Variants in MGAT5 observed in about 807,000 individuals in gnomAD.
MGAT5 encodes the protein alpha-1,6-mannosylglycoprotein 6-beta-N-acetylglucosaminyltransferase, also known as alpha-1,6-mannosylglycoprotein 6-beta-N-acetylglucosaminyltransferase A.
Under a neutral mutation model 94.3 loss-of-function variants are expected in MGAT5, and 30 were observed. That is an observed-to-expected ratio of 0.32 (90% confidence interval 0.24 to 0.43). MGAT5 has a LOEUF of 0.43. Among genes scored for constraint, MGAT5 ranks in the 20% least tolerant of loss-of-function variants. MGAT5 has a pLI of 1.00. For missense variants in MGAT5, 691 were observed against 905.5 expected (o/e 0.76, Z 3.04); for synonymous variants, 310 against 322.9 (o/e 0.96, Z 0.43).
At chr2:134,205,828 C>G (rs1374732311) in intron 1 of MGAT5, among the ~76,000 whole-genome samples, 1 of 152,136 alleles carries the variant, frequency 6.6e-6, no homozygotes, top group African/African-American at 2.4e-5. Flanking sequence ...GAGAAGTCAG[C>G]TGGGGAATTG....
At chr2:134,358,622 G>A (rs948642666) in intron 9 of MGAT5, among the ~76,000 whole-genome samples, 1 of 152,182 alleles carries the variant, frequency 6.6e-6, no homozygotes, top group Non-Finnish European at 1.5e-5. Flanking sequence ...TTGGTGACCA[G>A]GAGATGTGAA....
intron 1 of MGAT5, among the ~76,000 whole-genome samples, chr2:134,127,449 T>C (rs1009411285): frequency 6.6e-6 from 1 of 151,422 alleles, no homozygotes; most frequent in African/African-American, 2.4e-5. Context: ...TCACCATTCC[T>C]CCTTTGCAAT....
At chr2:134,219,164 C>T (rs961384312) in intron 1 of MGAT5, among the ~76,000 whole-genome samples, 4 of 152,104 alleles carry the variant, frequency 2.6e-5, no homozygotes, top group African/African-American at 4.8e-5. Flanking sequence ...CGGGGTGCAG[C>T]GGCTTCATCA....
At chr2:134,346,388 A>T (rs977904442) in intron 8 of MGAT5, among the ~76,000 whole-genome samples, 2 of 152,146 alleles carry the variant, frequency 1.3e-5, no homozygotes, top group African/African-American at 4.8e-5. Flanking sequence ...TGTAATGTTT[A>T]TCTGCCTTTC....
intron 7 of MGAT5, 93 bp from the exon 8 acceptor site, chr2:134,344,837 G>A: frequency 6.9e-7 from 1 of 1,449,816 alleles, no homozygotes; most frequent in Non-Finnish European, 9.4e-7. Flanking sequence ...GGATTTTTGG[G>A]GTGGCATTTG....
At chr2:134,155,177 G>A (rs1687417997) in intron 1 of MGAT5, among the ~76,000 whole-genome samples, 1 of 152,192 alleles carries the variant, frequency 6.6e-6, no homozygotes, top group East Asian at 1.9e-4. Context: ...TTTCCCCACC[G>A]CCCAGAATTC....
rs1299825330 is a variant in MGAT5 at position 134,451,705 on chromosome 2, A to AT, written c.*2862dup. On this transcript the variant is annotated 3_prime_UTR_variant, in exon 16 of 16. Transcript: ENST00000281923. ...AATATCTTGCCTGTTTTTTTGGATT[A>AT]TTTTCCCCATTGTGATCCTAAGCTC... The AT allele has an allele frequency of 6.6e-6, 1 of 152,146 alleles. No individual in the cohort carries two copies. The highest frequency in any genetic ancestry group is 1.5e-5 in the Non-Finnish European group (1 of 68,020). The allele number at this position is 152,146 out of a possible 1,614,324, so 9.4% of individuals were successfully genotyped here.
intron 2 of MGAT5, among the ~76,000 whole-genome samples, chr2:134,307,922 G>C (rs971551163): frequency 6.6e-6 from 1 of 152,048 alleles, no homozygotes; most frequent in African/African-American, 2.4e-5. Context: ...CCACTGCCTG[G>C]GGCCACTCAA....
At chr2:134,318,574 T>G in intron 3 of MGAT5, 76 bp from the exon 4 acceptor site, 1 of 1,087,514 alleles carries the variant, frequency 9.2e-7, no homozygotes. Context: ...TCTTCACCAT[T>G]CTATCCTCGC....
chr2:134,239,376 G>A (rs557977743), intron 1 of MGAT5, among the ~76,000 whole-genome samples: 135 of 152,278 alleles, frequency 8.9e-4, no homozygotes, highest in African/African-American at 3.2e-3. Flanking sequence ...CACCTTTGTT[G>A]GGGAGCTCCC....
At chr2:134,322,565 C>T (rs939510173) in intron 4 of MGAT5, among the ~76,000 whole-genome samples, 1 of 152,156 alleles carries the variant, frequency 6.6e-6, no homozygotes, top group African/African-American at 2.4e-5. Context: ...ATTAGCTGCA[C>T]GTATGGACCC....
intron 1 of MGAT5, among the ~76,000 whole-genome samples, chr2:134,235,516 T>C (rs1363570971): frequency 6.6e-6 from 1 of 151,990 alleles, no homozygotes; most frequent in Non-Finnish European, 1.5e-5. Context: ...AGCAGAGGAA[T>C]TGAGGAAAAT....
At chr2:134,195,138 C>T (rs1679436232) in intron 1 of MGAT5, among the ~76,000 whole-genome samples, 1 of 152,150 alleles carries the variant, frequency 6.6e-6, no homozygotes, top group Non-Finnish European at 1.5e-5. Context: ...AGGACTGAAA[C>T]ACCATTTGGA....
chr2:134,439,102 A>G (rs1332129398), intron 14 of MGAT5, among the ~76,000 whole-genome samples: 2 of 152,182 alleles, frequency 1.3e-5, no homozygotes, highest in Non-Finnish European at 2.9e-5. Context: ...AGGAGACTCT[A>G]AGAGAAGCTA....
Position 134,398,569 on chromosome 2 carries a change from T to A in MGAT5, c.1381-4419T>A, listed in dbSNP as rs982538241. Reference sequence around the variant, plus strand: ...GATACTGCTATTCACCAAAGAACATTCCTATACCCTAATTCACCAGCTAAA... The same window carrying A: ...GATACTGCTATTCACCAAAGAACATACCTATACCCTAATTCACCAGCTAAA... On this transcript the variant is annotated intron_variant, in intron 10 of 15. Transcript: ENST00000281923. Among the ~76,000 whole-genome samples, 4 of 152,266 alleles carry A rather than the reference T, an allele frequency of 2.6e-5. No individual in the cohort carries two copies. In the East Asian group the frequency reaches 7.7e-4, roughly 29 times the overall value.
chr2:134,387,319 TATATA>T lies in MGAT5; in HGVS notation c.1381-15668_1381-15664del, dbSNP rs1558847408. Among the ~76,000 whole-genome samples, 20 of 50,352 alleles carry T rather than the reference TATATA, an allele frequency of 4.0e-4. No homozygotes were observed. The South Asian group carries it at 7.8e-3, about 20-fold the overall frequency. 33.0% of individuals were successfully genotyped at this position (50,352 alleles called of 152,430 possible). ...TATGTATGATATATATATATATATA[TATATA>T]TATATATATTTTTTTTTTTTTTTTT... On this transcript the variant is annotated intron_variant, in intron 10 of 15. Transcript: ENST00000281923.
intron 10 of MGAT5, among the ~76,000 whole-genome samples, chr2:134,370,752 G>C (rs948591411): frequency 4.6e-5 from 7 of 152,246 alleles, no homozygotes; most frequent in African/African-American, 1.7e-4. Context: ...AATAGGCAAG[G>C]GAGGAACAGA....
At chr2:134,402,231 C>T (rs1683097460) in intron 10 of MGAT5, among the ~76,000 whole-genome samples, 1 of 152,202 alleles carries the variant, frequency 6.6e-6, no homozygotes, top group South Asian at 2.1e-4. Flanking sequence ...TTCCACTTCA[C>T]AGGTGGTTTT....
At chr2:134,285,859 C>T (rs112172877) in intron 2 of MGAT5, among the ~76,000 whole-genome samples, 1 of 152,148 alleles carries the variant, frequency 6.6e-6, no homozygotes, top group African/African-American at 2.4e-5. Flanking sequence ...CTCTGTTTTC[C>T]AGAATCAGAA....
Sources: gnomAD v4.1 joint callset for allele counts (sites outside exome capture counted in the v4.1 genomes callset) on GRCh38, gnomAD v4.1.1 for gene constraint, MANE v1.5 for transcripts, NCBI Gene and HGNC (gene_info 2026-07-23, HGNC 2026-07-21) for gene names.